The following DGKB variants were observed in gnomAD, a reference collection of about 807,000 sequenced individuals.
DGKB encodes 90 kDa diacylglycerol kinase.
A neutral mutation model predicts 114.3 loss-of-function variants in DGKB; 67 were observed. The ratio of observed to expected loss-of-function variants is 0.59; its 90% CI spans 0.48 to 0.72. The LOEUF is 0.72. Ranked by LOEUF, DGKB falls within the 30% of genes least tolerant of loss-of-function variation. The probability of loss-of-function intolerance (pLI) is 0.00; values close to 1 mark genes in which losing one functional copy is unlikely to be tolerated. For synonymous variants in DGKB, 398 were observed against 323.1 expected (o/e 1.23, Z -2.49); for missense variants, 907 against 975.2 (o/e 0.93, Z 0.93).
In DGKB at chr7:14,561,092, C is replaced by G. The variant is rs1796591062; in HGVS notation, c.1770+13120G>C. ...AAATCTCACCTTGAATTTTAATAAT[C>G]CCCACATGTCATTGGAGGGACCCAG... is the stretch of plus-strand genomic sequence containing the variant. On this transcript the variant is annotated intron_variant, in intron 20 of 25. Coordinates refer to ENST00000402815, the MANE Select transcript of DGKB (RefSeq NM_001350709.2). 2.6e-5 allele frequency among the ~76,000 whole-genome samples: 4 copies of G among 152,084 alleles called. 1 individual carries two copies. In the South Asian group the frequency reaches 6.2e-4, roughly 24 times the overall value.
At chr7:14,937,380 T>G (rs1282256282) in intron 1 of DGKB, among the ~76,000 whole-genome samples, 2 of 152,088 alleles carry the variant, frequency 1.3e-5, no homozygotes, top group African/African-American at 4.8e-5. Context: ...ATTGCATATT[T>G]TCAGCATAAT....
intron 21 of DGKB, among the ~76,000 whole-genome samples, chr7:14,420,207 T>C (rs1826445596): frequency 6.6e-6 from 1 of 151,908 alleles, no homozygotes; most frequent in South Asian, 2.1e-4. Context: ...TTTGTTTATA[T>C]ATGTATTCTG....
At chr7:14,171,357 G>T (rs1327741850) in intron 25 of DGKB, among the ~76,000 whole-genome samples, 2 of 152,112 alleles carry the variant, frequency 1.3e-5, no homozygotes, top group Admixed American at 1.3e-4. Context: ...GGAAGTTTCA[G>T]GAGTTTTTTT....
intron 1 of DGKB, among the ~76,000 whole-genome samples, chr7:14,956,753 T>C (rs1168808467): frequency 1.3e-5 from 2 of 151,820 alleles, no homozygotes; most frequent in Non-Finnish European, 2.9e-5. Context: ...TAACCATGAG[T>C]GCAATGGAGC....
intron 23 of DGKB, among the ~76,000 whole-genome samples, chr7:14,252,153 C>T (rs1795341001): frequency 1.3e-5 from 2 of 152,196 alleles, no homozygotes; most frequent in Admixed American, 1.3e-4. Context: ...GATGGTGTCC[C>T]ATAAGTCCTG....
intron 15 of DGKB, among the ~76,000 whole-genome samples, chr7:14,616,746 T>C (rs1486098902): frequency 2.6e-5 from 4 of 151,766 alleles, no homozygotes; most frequent in Non-Finnish European, 4.4e-5. Flanking sequence ...TCTTCCATTG[T>C]GCTTGAGGCT....
intron 1 of DGKB, among the ~76,000 whole-genome samples, chr7:14,873,210 T>G (rs1430119167): frequency 2.6e-5 from 4 of 152,118 alleles, no homozygotes; most frequent in Non-Finnish European, 5.9e-5. Context: ...GGTAATAACT[T>G]TCTTGACATA....
chr7:14,469,250 A>C (rs1007717121), intron 21 of DGKB, among the ~76,000 whole-genome samples: 2 of 152,074 alleles, frequency 1.3e-5, no homozygotes, highest in African/African-American at 4.8e-5. Context: ...GATTCTAAAA[A>C]TCTAGGCCTT....
intron 16 of DGKB, among the ~76,000 whole-genome samples, chr7:14,609,883 A>C (rs1805204549): frequency 6.6e-6 from 1 of 152,016 alleles, no homozygotes; most frequent in African/African-American, 2.4e-5. Flanking sequence ...GGATGCTGGC[A>C]AGGCTGCAAA....
upstream of DGKB, among the ~76,000 whole-genome samples, chr7:14,905,844 T>G (rs1783676729): frequency 6.6e-6 from 1 of 152,174 alleles, no homozygotes. Context: ...GTGAATGAAT[T>G]AATCTGTGAG....
intron 1 of DGKB, among the ~76,000 whole-genome samples, chr7:14,973,714 A>G (rs1243035879): frequency 6.7e-6 from 1 of 149,474 alleles, no homozygotes; most frequent in Non-Finnish European, 1.5e-5. Context: ...CAAAGTGACC[A>G]TCTCTGAGAT....
chr7:14,664,220 C>T (rs1194731378), intron 13 of DGKB, among the ~76,000 whole-genome samples: 1 of 152,010 alleles, frequency 6.6e-6, no homozygotes, highest in African/African-American at 2.4e-5. Context: ...ATCTTACCAT[C>T]ATCTGAAAAT....
chr7:14,219,581 G>T (rs939460709), intron 23 of DGKB, among the ~76,000 whole-genome samples: 1 of 151,796 alleles, frequency 6.6e-6, no homozygotes, highest in African/African-American at 2.4e-5. Context: ...ATTTCTATGT[G>T]TTCTTTGGAT....
chr7:14,322,833 ACAT>A (rs1340651998), intron 23 of DGKB, among the ~76,000 whole-genome samples: 1 of 152,322 alleles, frequency 6.6e-6, no homozygotes, highest in East Asian at 1.9e-4. Context: ...ATGATGTTTC[ACAT>A]CATTAGTCAT....
intron 1 of DGKB, among the ~76,000 whole-genome samples, chr7:14,966,318 A>G (rs1787146255): frequency 6.6e-6 from 1 of 152,068 alleles, no homozygotes; most frequent in African/African-American, 2.4e-5. Context: ...ATAAAAACTT[A>G]CTAAATAATT....
At chr7:14,506,202 AT>A (rs1186200497) in intron 20 of DGKB, among the ~76,000 whole-genome samples, 1 of 152,196 alleles carries the variant, frequency 6.6e-6, no homozygotes, top group Non-Finnish European at 1.5e-5. Context: ...TGATTAGAGT[AT>A]AAAATTTCAT....
intron 20 of DGKB, among the ~76,000 whole-genome samples, chr7:14,494,324 T>G (rs891316114): frequency 1.3e-5 from 2 of 152,006 alleles, no homozygotes; most frequent in South Asian, 2.1e-4. Context: ...AATTTTAGAA[T>G]TTTATAAAAT....
intron 25 of DGKB, among the ~76,000 whole-genome samples, chr7:14,151,696 CTAACTT>C (rs1239947433): frequency 1.3e-5 from 2 of 151,994 alleles, no homozygotes; most frequent in African/African-American, 2.4e-5. Context: ...TTTCTTTACT[CTAACTT>C]TATTTCTGCA....
At chr7:14,909,286 A>G (rs10046589) in intron 1 of DGKB, among the ~76,000 whole-genome samples, 35,707 of 152,066 alleles carry the variant, frequency 0.23, 6,879 homozygotes, top group East Asian at 0.81. Flanking sequence ...ACCATATTTT[A>G]AAATGTCAGA....
Sources: allele counts gnomAD v4.1 joint callset (sites outside exome capture counted in the v4.1 genomes callset), GRCh38; gene constraint gnomAD v4.1.1; transcripts MANE v1.5; gene names NCBI Gene and HGNC (gene_info 2026-07-23, HGNC 2026-07-21).